The following POLK variants were observed in gnomAD, a reference collection of about 807,000 sequenced individuals.
The protein encoded by POLK is polymerase (DNA directed) kappa.
In POLK, 76 loss-of-function variants were observed where a neutral mutation model predicts 94.0. The ratio of observed to expected loss-of-function variants is 0.81; its 90% confidence interval spans 0.67 to 0.98. The LOEUF (loss-of-function observed/expected upper bound fraction) is 0.98, where lower values mean the gene tolerates loss of function less well. POLK is among the 50% of genes least tolerant of loss of function. The probability of loss-of-function intolerance (pLI) is 0.00; values close to 1 mark genes in which losing one functional copy is unlikely to be tolerated. For synonymous variants in POLK, 349 were observed against 325.4 expected (o/e 1.07, Z -0.78); for missense variants, 954 against 1,010.1 (o/e 0.94, Z 0.75).
intron 11 of POLK, among the ~76,000 whole-genome samples, chr5:75,592,651 C>T (rs757607141): frequency 3.1e-4 from 47 of 151,048 alleles, no homozygotes; most frequent in South Asian, 1.0e-3. Context: ...GCCAAGATCC[C>T]GCCACTGCAC....
At chr5:75,515,701 T>G (rs951778694) in intron 1 of POLK, among the ~76,000 whole-genome samples, 1 of 152,272 alleles carries the variant, frequency 6.6e-6, no homozygotes, top group Non-Finnish European at 1.5e-5. Context: ...CCATAGTGAC[T>G]GTACTAATTT....
intron 3 of POLK, among the ~76,000 whole-genome samples, chr5:75,561,656 T>G (rs1295283494): frequency 6.6e-6 from 1 of 152,244 alleles, no homozygotes; most frequent in African/African-American, 2.4e-5. Context: ...TATTTAAGTC[T>G]TTAATCCATC....
exon 15 of POLK, chr5:75,599,635 T>C (rs904042395): frequency 6.6e-6 from 1 of 152,190 alleles, no homozygotes; most frequent in Non-Finnish European, 1.5e-5. Flanking sequence ...AAACACTGAT[T>C]TAATGTACTG....
intron 1 of POLK, among the ~76,000 whole-genome samples, chr5:75,545,780 G>C (rs577691325): frequency 7.2e-5 from 11 of 152,162 alleles, no homozygotes; most frequent in African/African-American, 2.4e-4. Flanking sequence ...TCTATACCAT[G>C]TTTTAATCTG....
exon 11 of POLK, chr5:75,590,432 A>C (rs765969981): frequency 1.3e-6 from 2 of 1,595,624 alleles, no homozygotes; most frequent in African/African-American, 1.3e-5. Context: ...ACAGAAAGAA[A>C]GACTTAAGGT....
Position 75,542,915 on chromosome 5 carries a change from A to G in POLK, c.-13-4095A>G, listed in dbSNP as rs200877205. On this transcript the variant is annotated intron_variant, in intron 1 of 14. Transcript: ENST00000241436. ...TTTAGTAGAGATGGGGTTTCACCAT[A>G]TTGGCCAGGCTGGTCTCGAACCCCT... Among the ~76,000 whole-genome samples the G allele has an allele frequency of 2.0e-5, 3 of 148,614 alleles. No individual in the cohort carries two copies. In the East Asian group the frequency reaches 5.9e-4, roughly 29 times the overall value.
chr5:75,605,165 T>A (rs1773390585), downstream of POLK, among the ~76,000 whole-genome samples: 1 of 147,258 alleles, frequency 6.8e-6, no homozygotes, highest in South Asian at 2.2e-4. Flanking sequence ...ACACTACCTC[T>A]GCCAACCACA....
chr5:75,553,835 A>G (rs1044393632), intron 3 of POLK, among the ~76,000 whole-genome samples: 3 of 152,224 alleles, frequency 2.0e-5, no homozygotes, highest in Non-Finnish European at 4.4e-5. Context: ...AGTTGCTAGC[A>G]CAAGAGACCA....
At chr5:75,581,310 C>T in exon 7 of POLK, 3 of 1,613,760 alleles carry the variant, frequency 1.9e-6, no homozygotes, top group Non-Finnish European at 8.5e-7. Context: ...CCCAGGAGAT[C>T]CTTTCCAAGT....
At chr5:75,580,207 A>G (rs1449185758) in intron 6 of POLK, among the ~76,000 whole-genome samples, 9 of 152,068 alleles carry the variant, frequency 5.9e-5, no homozygotes, top group Admixed American at 3.3e-4. Flanking sequence ...GCATCTTAAA[A>G]CTAGAAATTT....
intron 3 of POLK, among the ~76,000 whole-genome samples, chr5:75,563,856 A>G (rs1771123043): frequency 6.6e-6 from 1 of 152,212 alleles, no homozygotes; most frequent in Non-Finnish European, 1.5e-5. Context: ...GTTGCTGAGA[A>G]GAATGTATAT....
downstream of POLK, among the ~76,000 whole-genome samples, chr5:75,605,581 A>G (rs1389070278): frequency 1.3e-5 from 2 of 152,200 alleles, no homozygotes; most frequent in Non-Finnish European, 2.9e-5. Context: ...GGGTTTTGCT[A>G]GCAATTCTGG....
chr5:75,554,124 C>G (rs1037028404), intron 3 of POLK, among the ~76,000 whole-genome samples: 148 of 152,292 alleles, frequency 9.7e-4, no homozygotes, highest in Middle Eastern at 3.4e-3. Context: ...CTTCAGCTGA[C>G]ATTCTTTGGC....
At chr5:75,564,461 A>C (rs1771157320) in intron 3 of POLK, among the ~76,000 whole-genome samples, 1 of 152,120 alleles carries the variant, frequency 6.6e-6, no homozygotes, top group African/African-American at 2.4e-5. Flanking sequence ...TTTGCCCATT[A>C]GTTGATACAG....
intron 4 of POLK, among the ~76,000 whole-genome samples, chr5:75,570,646 TA>T (rs1771541397): frequency 1.3e-5 from 2 of 152,232 alleles, no homozygotes; most frequent in African/African-American, 4.8e-5. Context: ...TCTTCCTTTT[TA>T]CCACTCTAAC....
intron 6 of POLK, among the ~76,000 whole-genome samples, chr5:75,580,199 A>C (rs1196059277): frequency 1.3e-5 from 2 of 152,082 alleles, no homozygotes; most frequent in Non-Finnish European, 2.9e-5. Context: ...ATTCGTATGC[A>C]TCTTAAAACT....
chr5:75,511,280 G>GGGTGAAGGGTCGGGGGAT (rs781151534), upstream of POLK: 10 of 1,581,092 alleles, frequency 6.3e-6, no homozygotes, highest in South Asian at 1.1e-4. Context: ...CCAGTCCTCG[G>GGGTGAAGGGTCGGGGGAT]GGTGAAGGGT....
chr5:75,551,136 A>G (rs1770313685), intron 2 of POLK, among the ~76,000 whole-genome samples: 1 of 152,232 alleles, frequency 6.6e-6, no homozygotes, highest in Non-Finnish European at 1.5e-5. Flanking sequence ...TACAACTTTT[A>G]GAAGAAAATT....
intron 1 of POLK, among the ~76,000 whole-genome samples, chr5:75,518,292 T>A (rs1347617549): frequency 6.6e-6 from 1 of 152,178 alleles, no homozygotes; most frequent in Non-Finnish European, 1.5e-5. Flanking sequence ...TGAAAGACTT[T>A]TTATTGCAGC....
Sources: allele counts gnomAD v4.1 joint callset (sites outside exome capture counted in the v4.1 genomes callset), GRCh38; gene constraint gnomAD v4.1.1; transcripts MANE v1.5; gene names NCBI Gene and HGNC (gene_info 2026-07-23, HGNC 2026-07-21).